SLC7A9: variants seen among roughly 807,000 people sequenced by gnomAD.
SLC7A9 encodes B(0,+)-type amino acid transporter 1.
A neutral mutation model predicts 54.1 loss-of-function variants in SLC7A9; 38 were observed. The observed-to-expected ratio is 0.70, with a 90% CI of 0.54 to 0.92. The LOEUF (loss-of-function observed/expected upper bound fraction) is 0.92. SLC7A9 is among the 40% of genes least tolerant of loss of function. The pLI is 0.00. For synonymous variants in SLC7A9, 264 were observed against 258.9 expected, an observed-to-expected ratio of 1.02 and a Z score of -0.19; for missense variants, 537 against 636.1, an observed-to-expected ratio of 0.84 and a Z score of 1.68.
intron 9 of SLC7A9, among the ~76,000 whole-genome samples, chr19:32,851,476 A>G (rs1313335932): frequency 6.6e-6 from 1 of 150,960 alleles, no homozygotes; most frequent in Non-Finnish European, 1.5e-5. Flanking sequence ...ATGAGATACC[A>G]TCTCACACCA....
At chr19:32,869,525 T>C (rs1969075781) in intron 1 of SLC7A9, among the ~76,000 whole-genome samples, 161 bp downstream of exon 1, 1 of 152,180 alleles carries the variant, frequency 6.6e-6, no homozygotes, top group South Asian at 2.1e-4. Context: ...TACTTTTTCA[T>C]TGAGTGATGA....
intron 9 of SLC7A9, among the ~76,000 whole-genome samples, chr19:32,853,186 C>T (rs1968520162): frequency 6.6e-6 from 1 of 152,186 alleles, no homozygotes; most frequent in Admixed American, 6.5e-5. Flanking sequence ...GCTGGGATTA[C>T]AGGCGTGAGC....
In SLC7A9 at chr19:32,830,670, G is replaced by C. The variant is rs767795699; in HGVS notation, c.1414C>G (p.His472Asp). The change falls in exon 13 of 13, where the codon CAC (histidine) becomes GAC (aspartate). Residue 472 changes from histidine to aspartate, a missense_variant. Physicochemically the swap from His to Asp is moderately conservative, Grantham distance 81. Coordinates refer to ENST00000023064, the MANE Select transcript of SLC7A9 (RefSeq NM_014270.5). ...AQKISKPITMHLQMLMEVVPP... is the reference protein window; with the variant it reads ...AQKISKPITMDLQMLMEVVPP... ...ACCACTTCCATTAGCATCTGAAGGT[G>C]CATGGTAATCGGCTCTGAAATAAGA... The C allele has an allele frequency of 7.4e-6, 12 of 1,613,824 alleles. No individual in the cohort carries two copies. Among genetic ancestry groups the C allele is most frequent in the Non-Finnish European group, 1.0e-5 (12 of 1,179,800 alleles).
At chr19:32,859,617 G>A (rs913755355) in intron 8 of SLC7A9, among the ~76,000 whole-genome samples, 1 of 151,854 alleles carries the variant, frequency 6.6e-6, no homozygotes, top group Non-Finnish European at 1.5e-5. Flanking sequence ...GACCTCCCCC[G>A]ACTCCCTGGC....
intron 9 of SLC7A9, among the ~76,000 whole-genome samples, chr19:32,847,441 G>A (rs1450372218): frequency 6.9e-6 from 1 of 144,062 alleles, no homozygotes; most frequent in Non-Finnish European, 1.6e-5. Flanking sequence ...TATCAGTAAT[G>A]GAAGATGAAA....
chr19:32,851,171 A>T (rs1968455273), intron 9 of SLC7A9, among the ~76,000 whole-genome samples: 1 of 152,178 alleles, frequency 6.6e-6, no homozygotes, highest in African/African-American at 2.4e-5. Flanking sequence ...AAAATTGACA[A>T]ATGGGATCTA....
chr19:32,834,284 C>T lies in SLC7A9; in HGVS notation c.1225-961G>A, dbSNP rs904340231. Among the ~76,000 whole-genome samples the T allele has an allele frequency of 9.2e-5, 14 of 152,244 alleles. No homozygotes were observed. In the East Asian group the frequency reaches 2.5e-3, roughly 27 times the overall value. ...TCCAGAGCCAGACGTGGGTTTTCAT[C>T]CATTTCTCCAGAGAGCTTTGTTTCC... On this transcript the variant is annotated intron_variant, in intron 11 of 12. Coordinates refer to ENST00000023064, the MANE Select transcript of SLC7A9 (RefSeq NM_014270.5).
At chr19:32,854,138 GA>G (rs1237151219) in intron 9 of SLC7A9, among the ~76,000 whole-genome samples, 1 of 151,792 alleles carries the variant, frequency 6.6e-6, no homozygotes, top group Non-Finnish European at 1.5e-5. Flanking sequence ...TCAGTCTCCT[GA>G]GTAGCTGGGA....
chr19:32,860,774 ATTCCAGGTGAATTTTT>A lies in SLC7A9; in HGVS notation c.705-140_705-125del, dbSNP rs542721996. The A allele has an allele frequency of 1.6e-4, 214 of 1,362,510 alleles. 1 individual carries two copies. The African/African-American group carries it at 2.6e-3, about 16-fold the overall frequency. The allele number at this position is 1,362,510 out of a possible 1,614,324, so 84.4% of individuals were successfully genotyped here. ...CAGAGAAAAAAATTCTCCTGCAGGA[ATTCCAGGTGAATTTTT>A]TTCCAGGTGAATGGCCCTGCTAGTG... On this transcript the variant is annotated intron_variant, in intron 6 of 12. Coordinates refer to ENST00000023064, the MANE Select transcript of SLC7A9 (RefSeq NM_014270.5).
At chr19:32,852,745 T>C (rs867344657) in intron 9 of SLC7A9, among the ~76,000 whole-genome samples, 1 of 152,070 alleles carries the variant, frequency 6.6e-6, no homozygotes, top group Non-Finnish European at 1.5e-5. Flanking sequence ...TTATCAGTCC[T>C]CCAGAAATTA....
At chr19:32,854,152 ACAGGCATGTGC>A (rs978042381) in intron 9 of SLC7A9, among the ~76,000 whole-genome samples, 22 of 152,026 alleles carry the variant, frequency 1.4e-4, no homozygotes, top group African/African-American at 5.3e-4. Flanking sequence ...AGCTGGGACC[ACAGGCATGTGC>A]CACCATGCCT....
rs749627936 is a variant in SLC7A9 at position 32,842,245 on chromosome 19, A to G, written c.1147T>C (p.Trp383Arg). 3 of 1,614,160 alleles carry G rather than the reference A, an allele frequency of 1.9e-6. No homozygotes were observed. The highest frequency in any genetic ancestry group is 1.3e-5 in the African/African-American group (1 of 75,052). ...AGAATCGTCAGGCCATAAAACAGCCATGCGGCAAAGCTGAAATAATTGACT... is the reference window on the plus strand; with the variant it reads ...AGAATCGTCAGGCCATAAAACAGCCGTGCGGCAAAGCTGAAATAATTGACT... ...SLVNYFSFAA[W>R]LFYGLTILGL... is the part of the protein sequence containing the mutation. The change falls in exon 11 of 13, where the codon TGG becomes CGG. Residue 383 changes from tryptophan (W) to arginine (R), a missense_variant. By Grantham distance (101) the Trp-to-Arg change is moderately radical. Transcript: ENST00000023064.
intron 10 of SLC7A9, among the ~76,000 whole-genome samples, chr19:32,842,588 CTG>C (rs1442697045): frequency 9.1e-6 from 1 of 109,702 alleles, no homozygotes. Flanking sequence ...GCAAAAGTAA[CTG>C]TGGGTTTTTT....
intron 9 of SLC7A9, among the ~76,000 whole-genome samples, chr19:32,857,101 G>C (rs1273839984): frequency 1.3e-5 from 2 of 151,668 alleles, no homozygotes; most frequent in Non-Finnish European, 2.9e-5. Context: ...AGTGAGGCGA[G>C]ATCACACCAC....
At chr19:32,856,721 G>A (rs1394580126) in intron 9 of SLC7A9, among the ~76,000 whole-genome samples, 1 of 152,156 alleles carries the variant, frequency 6.6e-6, no homozygotes, top group South Asian at 2.1e-4. Flanking sequence ...CTACAGGCAT[G>A]GGCCTCTACA....
At chr19:32,868,329 C>CA in intron 2 of SLC7A9, 119 bp downstream of exon 2, 1 of 720,286 alleles carries the variant, frequency 1.4e-6, no homozygotes, top group Non-Finnish European at 2.6e-6. Flanking sequence ...CTTCACAAAT[C>CA]AAAGAGTACA....
At chr19:32,855,474 C>T (rs925348956) in intron 9 of SLC7A9, among the ~76,000 whole-genome samples, 13 of 152,166 alleles carry the variant, frequency 8.5e-5, no homozygotes, top group South Asian at 4.2e-4. Flanking sequence ...CCAAGGCGGG[C>T]GGATCACGAG....
intron 9 of SLC7A9, among the ~76,000 whole-genome samples, chr19:32,846,325 T>C (rs1968292489): frequency 6.6e-6 from 1 of 152,222 alleles, no homozygotes; most frequent in Admixed American, 6.5e-5. Flanking sequence ...ACCCTAATAC[T>C]GCGCTTTTCC....
At chr19:32,860,358 A>G in intron 7 of SLC7A9, 1 of 1,359,768 alleles carries the variant, frequency 7.4e-7, no homozygotes, top group Non-Finnish European at 9.6e-7. Context: ...GGAGTTCAAG[A>G]CCAGCCTGGC....
Sources: allele counts gnomAD v4.1 joint callset (sites outside exome capture counted in the v4.1 genomes callset), GRCh38; gene constraint gnomAD v4.1.1; transcripts MANE v1.5; gene names NCBI Gene and HGNC (gene_info 2026-07-23, HGNC 2026-07-21).